Variants in SNX18 observed in about 807,000 individuals in gnomAD.
SNX18 encodes sorting nexin-18.
Under a neutral mutation model 48.7 loss-of-function variants are expected in SNX18, and 35 were observed. That is an observed-to-expected ratio of 0.72 (90% CI 0.55 to 0.95). The LOEUF is 0.95. SNX18 is among the 40% of genes least tolerant of loss of function. The pLI is 0.00. For missense variants in SNX18, 824 were observed against 871.0 expected (o/e 0.95, Z 0.68); for synonymous variants, 492 against 384.7 (o/e 1.28, Z -3.26).
chr5:54,576,498 C>G, the SNX18 span, among the ~76,000 whole-genome samples: 22 of 152,262 alleles, frequency 1.4e-4, 1 homozygote, highest in Middle Eastern at 0.01. Flanking sequence ...TTGGGTTGAT[C>G]GCAGGGCATC....
intron 1 of SNX18, among the ~76,000 whole-genome samples, chr5:54,535,499 TAGAA>T (rs1335041253): frequency 3.9e-5 from 6 of 152,268 alleles, no homozygotes; most frequent in African/African-American, 9.6e-5. Flanking sequence ...TCTCAAAACA[TAGAA>T]AGGAAAGGAC....
chr5:54,620,177 G>T, the SNX18 span, among the ~76,000 whole-genome samples: 1 of 152,068 alleles, frequency 6.6e-6, no homozygotes, highest in South Asian at 2.1e-4. Flanking sequence ...GCATGATTTT[G>T]CAAGGGTTTA....
At chr5:54,553,882 GGGGACCTTATAACTGCCCAGTCA>G in the SNX18 span, among the ~76,000 whole-genome samples, 40 of 152,304 alleles carry the variant, frequency 2.6e-4, no homozygotes, top group South Asian at 7.7e-3. Flanking sequence ...CATGCACTCT[GGGGACCTTATAACTGCCCAGTCA>G]GGGTGCTGCT....
At chr5:54,625,179 A>G in the SNX18 span, among the ~76,000 whole-genome samples, 1 of 152,172 alleles carries the variant, frequency 6.6e-6, no homozygotes, top group African/African-American at 2.4e-5. Context: ...AAGAGACAGT[A>G]GTATTCATTT....
chr5:54,543,282 T>C lies in SNX18; in HGVS notation c.1725T>C (p.Phe575=), dbSNP rs1762507681. The change falls in exon 2 of 2, where the codon TTT becomes TTC. Residue 575 remains phenylalanine, a synonymous_variant. Coordinates refer to ENST00000381410, the MANE Select transcript of SNX18 (RefSeq NM_001102575.2). ...AGGATCGCTGTAACACTATTTCTTT[T>C]GCCACTTTGGCTGAAATTCACCACT... ...GIQDRCNTIS[F]ATLAEIHHFH... is the part of the protein sequence containing the mutation. 1.2e-6 allele frequency: 2 copies of C among 1,614,234 alleles called. No homozygotes were observed. Among genetic ancestry groups the C allele is most frequent in the Non-Finnish European group, 1.7e-6 (2 of 1,180,042 alleles).
At chr5:54,520,213 T>C in intron 1 of SNX18, 1 of 211,728 alleles carries the variant, frequency 4.7e-6, no homozygotes, top group Non-Finnish European at 1.1e-5. Flanking sequence ...GAAAATTGTT[T>C]AGGGAAACTA....
rs1186057298 is a variant in SNX18 at position 54,518,406 on chromosome 5, G to A, written c.454G>A (p.Asp152Asn). ...GGYQASQGSD[D>N]DWDDEWDDSS... ...CTACCAGGCCAGCCAAGGCAGCGAT[G>A]ATGACTGGGACGACGAGTGGGACGA... The change falls in exon 1 of 2, where the codon GAT (aspartate) becomes AAT (asparagine). Residue 152 changes from aspartate to asparagine, a missense_variant. By Grantham distance (23) the Asp-to-Asn change is conservative. This residue lies in a region of SNX18 where 377 missense variants were observed against 350.6 expected (regional missense o/e 1.08). Transcript: ENST00000381410. 27 of 1,585,888 alleles carry A rather than the reference G, an allele frequency of 1.7e-5. No homozygotes were observed. The highest frequency in any genetic ancestry group is 2.2e-5 in the Non-Finnish European group (26 of 1,167,056).
chr5:54,597,275 C>T, the SNX18 span, among the ~76,000 whole-genome samples: 1 of 152,138 alleles, frequency 6.6e-6, no homozygotes, highest in Non-Finnish European at 1.5e-5. Context: ...CTCAGACTCC[C>T]ACACAATAAT....
At chr5:54,590,814 C>T in the SNX18 span, among the ~76,000 whole-genome samples, 1 of 152,170 alleles carries the variant, frequency 6.6e-6, no homozygotes, top group Non-Finnish European at 1.5e-5. Context: ...GCTTACTGGT[C>T]TCCCTTCCTC....
the SNX18 span, among the ~76,000 whole-genome samples, chr5:54,560,193 A>G: frequency 1.3e-5 from 2 of 152,244 alleles, no homozygotes; most frequent in Non-Finnish European, 2.9e-5. Context: ...TCACTGCAGC[A>G]CTATTCACAA....
chr5:54,527,368 G>GGC (rs1762154587), intron 1 of SNX18, among the ~76,000 whole-genome samples: 1 of 151,914 alleles, frequency 6.6e-6, no homozygotes, highest in South Asian at 2.1e-4. Flanking sequence ...CGGGGGGGGG[G>GGC]GTCCCCCTCC....
At chr5:54,586,697 C>T in the SNX18 span, among the ~76,000 whole-genome samples, 1 of 152,200 alleles carries the variant, frequency 6.6e-6, no homozygotes. Context: ...AAAGGTCCTA[C>T]CTCTTAATAC....
At chr5:54,628,492 T>G in the SNX18 span, among the ~76,000 whole-genome samples, 1 of 152,144 alleles carries the variant, frequency 6.6e-6, no homozygotes, top group East Asian at 1.9e-4. Context: ...CTATGCCTCT[T>G]TAGTGCCTCC....
At chr5:54,607,733 G>A in the SNX18 span, among the ~76,000 whole-genome samples, 2 of 152,020 alleles carry the variant, frequency 1.3e-5, no homozygotes, top group South Asian at 2.1e-4. Flanking sequence ...GGGAGTTCGC[G>A]ACCAGCCTGG....
At chr5:54,599,817 C>G in the SNX18 span, among the ~76,000 whole-genome samples, 2 of 152,144 alleles carry the variant, frequency 1.3e-5, no homozygotes, top group Admixed American at 1.3e-4. Context: ...CTTCCTCACA[C>G]CTTATACAAA....
At chr5:54,617,471 C>T in the SNX18 span, among the ~76,000 whole-genome samples, 1 of 152,136 alleles carries the variant, frequency 6.6e-6, no homozygotes, top group South Asian at 2.1e-4. Context: ...TCAAAATTTT[C>T]AGTTTTCAGA....
chr5:54,521,266 T>C (rs985144636), intron 1 of SNX18, among the ~76,000 whole-genome samples: 3 of 152,240 alleles, frequency 2.0e-5, no homozygotes, highest in Non-Finnish European at 4.4e-5. Flanking sequence ...CTACTTTAGG[T>C]TGGCATCAGT....
the SNX18 span, among the ~76,000 whole-genome samples, chr5:54,620,924 C>T: frequency 1.3e-5 from 2 of 152,174 alleles, no homozygotes; most frequent in Non-Finnish European, 2.9e-5. Context: ...CCCCACTCCT[C>T]TTTTACCTCA....
the SNX18 span, among the ~76,000 whole-genome samples, chr5:54,641,418 G>A: frequency 6.6e-6 from 1 of 152,000 alleles, no homozygotes; most frequent in East Asian, 1.9e-4. Flanking sequence ...ATTATGTCTG[G>A]AATCTCAGCA....
Sources: gnomAD v4.1 joint callset for allele counts (sites outside exome capture counted in the v4.1 genomes callset) on GRCh38, gnomAD v4.1.1 for gene constraint, gnomAD v4.1.1 regional missense constraint, MANE v1.5 for transcripts, NCBI Gene and HGNC (gene_info 2026-07-23, HGNC 2026-07-21) for gene names.